The following ITGB5 variants were observed in gnomAD, a reference collection of about 807,000 sequenced individuals.
ITGB5 encodes the protein integrin subunit beta 5.
Under a neutral mutation model 84.8 loss-of-function variants are expected in ITGB5, and 38 were observed. The ratio of observed to expected loss-of-function variants is 0.45; its 90% CI spans 0.35 to 0.59. The LOEUF (loss-of-function observed/expected upper bound fraction) is 0.59, where lower values mean the gene tolerates loss of function less well. ITGB5 is among the 20% of genes least tolerant of loss of function. The pLI is 0.01. For synonymous variants in ITGB5, 393 were observed against 414.4 expected (o/e 0.95, Z 0.63); for missense variants, 905 against 1,034.5 (o/e 0.87, Z 1.72).
At chr3:124,894,444 C>G (rs1935062977) in intron 1 of ITGB5, 1 of 152,016 alleles carries the variant, frequency 6.6e-6, no homozygotes, top group Non-Finnish European at 1.5e-5. Flanking sequence ...CAGCATTTTT[C>G]AATTAAGTTG....
intron 9 of ITGB5, among the ~76,000 whole-genome samples, chr3:124,806,691 C>A (rs1229070911): frequency 6.6e-6 from 1 of 151,884 alleles, no homozygotes; most frequent in Non-Finnish European, 1.5e-5. Flanking sequence ...CCCGCCTAGG[C>A]CTTCCAAAGT....
chr3:124,805,399 TCCCAA>T (rs2064384814), intron 9 of ITGB5, among the ~76,000 whole-genome samples: 1 of 152,058 alleles, frequency 6.6e-6, no homozygotes, highest in South Asian at 2.1e-4. Flanking sequence ...AGTCTCAGTC[TCCCAA>T]AATGCTAGGA....
rs557674094 is a variant in ITGB5 at position 124,799,863 on chromosome 3, C to T, written c.1264-3046G>A. On this transcript the variant is annotated intron_variant, in intron 9 of 14. Coordinates refer to ENST00000296181, the MANE Select transcript of ITGB5 (RefSeq NM_002213.5). ...GCGCAGGGAGAGCCAGCCTGGCTTA[C>T]TAAAGGGACCCCTTGATGGTGATCC... Among the ~76,000 whole-genome samples, 4 of 152,314 alleles carry T rather than the reference C, an allele frequency of 2.6e-5. No individual in the cohort carries two copies. The East Asian group carries it at 7.7e-4, about 29-fold the overall frequency.
In ITGB5 at chr3:124,886,914, TGGGCGGCGC is replaced by T. The variant is rs1381157427; in HGVS notation, c.70+8_70+16del. ...TGCGACAAAGTTTCTCTGGGCGCCG[TGGGCGGCGC>T]GGCTTACCTGCGAGCCGGGGCAGGA... On this transcript the variant is annotated splice_region_variant and intron_variant, in intron 1 of 14. Coordinates refer to ENST00000296181, the MANE Select transcript of ITGB5 (RefSeq NM_002213.5). 13 of 1,208,338 alleles carry T rather than the reference TGGGCGGCGC, an allele frequency of 1.1e-5. No homozygotes were observed. Among genetic ancestry groups the T allele is most frequent in the Non-Finnish European group, 1.3e-5 (13 of 972,240 alleles). 74.9% of individuals were successfully genotyped at this position (1,208,338 alleles called of 1,614,324 possible). A position where few individuals can be genotyped will look rare whatever the true frequency, so the allele number is the denominator to read the frequency against.
At chr3:124,859,745 G>A (rs564673528) in intron 2 of ITGB5, among the ~76,000 whole-genome samples, 1 of 152,300 alleles carries the variant, frequency 6.6e-6, no homozygotes, top group South Asian at 2.1e-4. Flanking sequence ...ATTAGCAAGA[G>A]AAACAGAAAT....
At chr3:124,775,402 G>A (rs1049777707) in intron 10 of ITGB5, among the ~76,000 whole-genome samples, 3 of 152,066 alleles carry the variant, frequency 2.0e-5, no homozygotes, top group Non-Finnish European at 1.5e-5. Context: ...GTGTGTGAGG[G>A]TGTGTTGGAG....
chr3:124,828,698 T>C (rs891326273), intron 5 of ITGB5, among the ~76,000 whole-genome samples: 1 of 152,256 alleles, frequency 6.6e-6, no homozygotes, highest in African/African-American at 2.4e-5. Flanking sequence ...ATGCTCAGGC[T>C]GGTCTTGAAC....
At chr3:124,808,386 T>G (rs1022120128) in intron 9 of ITGB5, among the ~76,000 whole-genome samples, 9 of 152,218 alleles carry the variant, frequency 5.9e-5, no homozygotes, top group South Asian at 2.1e-4. Flanking sequence ...TAGCTCTCCA[T>G]CACCACTCGC....
chr3:124,764,588 C>T, intron 13 of ITGB5, 31 bp from the exon 14 acceptor site: 1 of 1,584,828 alleles, frequency 6.3e-7, no homozygotes, highest in South Asian at 1.1e-5. Context: ...GTAAGCAAAG[C>T]CACTAGCATC....
chr3:124,823,614 G>C (rs1019525552), intron 5 of ITGB5, among the ~76,000 whole-genome samples: 15 of 149,082 alleles, frequency 1.0e-4, no homozygotes, highest in African/African-American at 3.7e-4. Flanking sequence ...TTATCGAGAT[G>C]TATAGTATAT....
chr3:124,806,946 AAAT>A (rs2064415110), intron 9 of ITGB5, among the ~76,000 whole-genome samples: 1 of 152,156 alleles, frequency 6.6e-6, no homozygotes, highest in Non-Finnish European at 1.5e-5. Context: ...CCCCGATGTA[AAAT>A]AATATTAATT....
At chr3:124,846,608 G>T (rs754232123) in intron 4 of ITGB5, among the ~76,000 whole-genome samples, 10 of 152,104 alleles carry the variant, frequency 6.6e-5, no homozygotes, top group Non-Finnish European at 1.5e-4. Context: ...GTGTTGTAGT[G>T]TGATTTGAAT....
chr3:124,836,261 A>G (rs531316594), intron 5 of ITGB5, among the ~76,000 whole-genome samples: 2 of 152,152 alleles, frequency 1.3e-5, no homozygotes, highest in East Asian at 3.9e-4. Flanking sequence ...CACACCTATA[A>G]TCCCAGCATT....
chr3:124,867,997 A>G (rs1483788027), intron 2 of ITGB5, among the ~76,000 whole-genome samples: 2 of 152,106 alleles, frequency 1.3e-5, no homozygotes. Context: ...GGTTTCCCCT[A>G]TGCTGTTCTC....
At chr3:124,879,929 A>G (rs1367796723) in intron 1 of ITGB5, among the ~76,000 whole-genome samples, 1 of 152,242 alleles carries the variant, frequency 6.6e-6, no homozygotes, top group Non-Finnish European at 1.5e-5. Flanking sequence ...GCAACAAGAA[A>G]GAGAGGCTTC....
At chr3:124,818,453 T>C (rs1026039122) in intron 7 of ITGB5, among the ~76,000 whole-genome samples, 3 of 150,902 alleles carry the variant, frequency 2.0e-5, no homozygotes, top group African/African-American at 7.3e-5. Context: ...ATACAGTCTG[T>C]GCAATTGAGC....
chr3:124,876,760 G>A (rs567801592), intron 1 of ITGB5, among the ~76,000 whole-genome samples: 1 of 152,090 alleles, frequency 6.6e-6, no homozygotes. Context: ...TACAGCAGGA[G>A]GATCTGAGGC....
At chr3:124,894,827 G>A (rs1202169695) in intron 1 of ITGB5, among the ~76,000 whole-genome samples, 1 of 152,148 alleles carries the variant, frequency 6.6e-6, no homozygotes, top group South Asian at 2.1e-4. Context: ...TACACCAGGG[G>A]TGTCCAATCT....
At chr3:124,850,218 A>G (rs529662912) in intron 3 of ITGB5, among the ~76,000 whole-genome samples, 1 of 152,136 alleles carries the variant, frequency 6.6e-6, no homozygotes, top group African/African-American at 2.4e-5. Flanking sequence ...CGAAGAATCC[A>G]ATGATCAAAA....
Sources: allele counts gnomAD v4.1 joint callset (sites outside exome capture counted in the v4.1 genomes callset), GRCh38; gene constraint gnomAD v4.1.1; transcripts MANE v1.5; gene names NCBI Gene and HGNC (gene_info 2026-07-23, HGNC 2026-07-21).